Variants in TBCK observed in about 807,000 individuals in gnomAD.
TBCK encodes the protein TBC1 domain containing kinase, also known as TBC domain-containing protein kinase-like protein.
In TBCK, 99 loss-of-function variants were observed where a neutral mutation model predicts 113.4. The ratio of observed to expected loss-of-function variants is 0.87; its 90% CI spans 0.74 to 1.03. The LOEUF (loss-of-function observed/expected upper bound fraction) is 1.03, where lower values mean the gene tolerates loss of function less well. Among genes scored for constraint, TBCK ranks in the 50% least tolerant of loss-of-function variants. The probability of loss-of-function intolerance (pLI) is 0.00; values close to 1 mark genes in which losing one functional copy is unlikely to be tolerated. For synonymous variants in TBCK, 369 were observed against 370.8 expected (o/e 1.00, Z 0.05); for missense variants, 1,045 against 1,061.3 (o/e 0.98, Z 0.21).
At position 106,044,068 on chromosome 4, in the gene TBCK, T is replaced by C. The variant is rs1185466823; in HGVS notation, c.*2502A>G. The C allele has an allele frequency of 1.3e-5, 2 of 152,180 alleles. No homozygotes were observed. The highest frequency in any genetic ancestry group is 1.5e-5 in the Non-Finnish European group (1 of 68,038). The allele number at this position is 152,180 out of a possible 1,614,324, so 9.4% of individuals were successfully genotyped here. A position where few individuals can be genotyped will look rare whatever the true frequency, so the allele number is the denominator to read the frequency against. On this transcript the variant is annotated 3_prime_UTR_variant, in exon 26 of 26. Coordinates refer to ENST00000394708, the MANE Select transcript of TBCK (RefSeq NM_001163435.3). The stretch of plus-strand genomic sequence containing the variant: ...TCTTGGAATAAGCCTAAATGTGTCG[T>C]TTTAAGAAAGATCAAATGCAAAATC...
rs1178798516 is a variant in TBCK, at chr4:106,095,650, G to A, written c.2412-9C>T. The A allele has an allele frequency of 3.1e-6, 5 of 1,611,386 alleles. No individual in the cohort carries two copies. In the South Asian group the frequency reaches 5.5e-5, roughly 18 times the overall value. ...TGTGACCACGAATAAAGCTGAGAAG[G>A]AAAGTTTAAGGAAAACATTTATTTG... On this transcript the variant is annotated splice_polypyrimidine_tract_variant and intron_variant, in intron 24 of 25. Coordinates refer to ENST00000394708, the MANE Select transcript of TBCK (RefSeq NM_001163435.3).
intron 19 of TBCK, among the ~76,000 whole-genome samples, chr4:106,229,323 C>T (rs1033848118): frequency 6.6e-6 from 1 of 151,926 alleles, no homozygotes; most frequent in Non-Finnish European, 1.5e-5. Flanking sequence ...TTTGCCTGGA[C>T]CAACGTCCTG....
At chr4:106,084,784 T>C (rs1342819755) in intron 25 of TBCK, among the ~76,000 whole-genome samples, 1 of 152,172 alleles carries the variant, frequency 6.6e-6, no homozygotes, top group South Asian at 2.1e-4. Context: ...GGGGCTAATA[T>C]TTAACATTCT....
chr4:106,241,826 TACTTTA>T (rs1433150264), intron 12 of TBCK, among the ~76,000 whole-genome samples: 1 of 151,940 alleles, frequency 6.6e-6, no homozygotes. Context: ...ACCTTGCTAT[TACTTTA>T]AATAAGTTAC....
chr4:106,250,431 A>T lies in TBCK; in HGVS notation c.645T>A (p.Phe215Leu). ...TACGACACTTACCCAAAGTAAGCAA[A>T]AATTTTAGTCTTTCAGAAATATCCA... ...QSLDISERLKFLLTLDCVDDT... is the reference protein window; with the variant it reads ...QSLDISERLKLLLTLDCVDDT... Residue 215 changes from phenylalanine (F) to leucine (L), a missense_variant, in exon 7 of 26, where the codon TTT becomes TTA. Coordinates refer to ENST00000394708, the MANE Select transcript of TBCK (RefSeq NM_001163435.3). The T allele has an allele frequency of 6.4e-7, 1 of 1,567,946 alleles. No individual in the cohort carries two copies. Among genetic ancestry groups the T allele is most frequent in the Non-Finnish European group, 8.7e-7 (1 of 1,148,108 alleles).
rs78837176 is a variant in TBCK at position 106,075,113 on chromosome 4, T to C, written c.2571+20369A>G. ...ATACATAATATAATTCCAACAAATA[T>C]GCTTTAAACTGAGACACTTCAAAAT... On this transcript the variant is annotated intron_variant, in intron 25 of 25. Transcript: ENST00000394708. Among the ~76,000 whole-genome samples the C allele has an allele frequency of 4.0e-3, 607 of 152,186 alleles. 6 individuals carry two copies. The highest frequency in any genetic ancestry group is 0.013 in the African/African-American group (554 of 41,504).
At chr4:106,212,650 GC>G in intron 20 of TBCK, 99 bp downstream of exon 20, 1 of 769,298 alleles carries the variant, frequency 1.3e-6, no homozygotes, top group Non-Finnish European at 2.1e-6. Flanking sequence ...GTTCAGATAT[GC>G]ACTATGACAA....
chr4:106,288,405 T>A (rs1259594604), intron 3 of TBCK, among the ~76,000 whole-genome samples: 1 of 151,626 alleles, frequency 6.6e-6, no homozygotes, highest in Non-Finnish European at 1.5e-5. Context: ...AAAAAAAAAA[T>A]TAAATTAAGG....
intron 25 of TBCK, among the ~76,000 whole-genome samples, chr4:106,077,063 T>C (rs917934009): frequency 3.3e-5 from 5 of 152,090 alleles, no homozygotes; most frequent in Non-Finnish European, 7.4e-5. Context: ...ATTGTACTAC[T>C]GCACTCCAGC....
intron 22 of TBCK, among the ~76,000 whole-genome samples, chr4:106,180,482 C>T (rs1043372653): frequency 6.6e-6 from 1 of 152,064 alleles, no homozygotes; most frequent in East Asian, 1.9e-4. Context: ...GTCTGCAGCA[C>T]CCATCAACCC....
intron 20 of TBCK, among the ~76,000 whole-genome samples, chr4:106,198,182 G>C (rs903294691): frequency 6.6e-6 from 1 of 152,132 alleles, no homozygotes; most frequent in African/African-American, 2.4e-5. Flanking sequence ...TTACTGGATA[G>C]CGTGCCTTGG....
chr4:106,168,563 A>C (rs1035307281), intron 23 of TBCK, among the ~76,000 whole-genome samples: 17 of 151,958 alleles, frequency 1.1e-4, no homozygotes, highest in African/African-American at 3.6e-4. Flanking sequence ...TCCATTTTTC[A>C]AATAATGTGA....
intron 19 of TBCK, among the ~76,000 whole-genome samples, chr4:106,214,248 T>TA (rs1355278705): frequency 6.6e-6 from 1 of 151,896 alleles, no homozygotes; most frequent in African/African-American, 2.4e-5. Flanking sequence ...CAAAAGTAGA[T>TA]AAAACCACAA....
At chr4:106,222,012 T>TG (rs1250767056) in intron 19 of TBCK, among the ~76,000 whole-genome samples, 4 of 152,132 alleles carry the variant, frequency 2.6e-5, no homozygotes, top group Non-Finnish European at 4.4e-5. Context: ...AATAAGGATA[T>TG]GAATCTAGAG....
chr4:106,205,114 A>C (rs529603976), intron 20 of TBCK, among the ~76,000 whole-genome samples: 97 of 152,350 alleles, frequency 6.4e-4, no homozygotes, highest in African/African-American at 2.2e-3. Context: ...ACTTTAAGAA[A>C]AAATGAGAGC....
chr4:106,238,724 AATCAAGAAC>A (rs1759748258), intron 12 of TBCK: 1 of 152,190 alleles, frequency 6.6e-6, no homozygotes, highest in Non-Finnish European at 1.5e-5. Context: ...ACAAACTGAA[AATCAAGAAC>A]TCGTCTCACA....
intron 23 of TBCK, among the ~76,000 whole-genome samples, chr4:106,124,618 T>G (rs9760248): frequency 0.2 from 29,973 of 151,748 alleles, 3,305 homozygotes; most frequent in South Asian, 0.27. Context: ...CCAACAATGA[T>G]AGACTGGATT....
chr4:106,301,009 C>T lies in TBCK; in HGVS notation c.194-5843G>A, dbSNP rs1331718027. On this transcript the variant is annotated intron_variant, in intron 2 of 25. Transcript: ENST00000394708. ...TTCCATGAAGAACAATAAATTCCAA[C>T]TGTGGATGACAGCTTGAGCTTCTGC... 3.9e-5 allele frequency among the ~76,000 whole-genome samples: 6 copies of T among 152,176 alleles called. No homozygotes were observed. In the East Asian group the frequency reaches 1.2e-3, roughly 29 times the overall value.
At chr4:106,164,317 C>A (rs1455603490) in intron 23 of TBCK, 1 of 151,796 alleles carries the variant, frequency 6.6e-6, no homozygotes, top group Non-Finnish European at 1.5e-5. Flanking sequence ...GTTTAGTTCT[C>A]CTTTAGGTTA....
Sources: allele counts gnomAD v4.1 joint callset (sites outside exome capture counted in the v4.1 genomes callset), GRCh38; gene constraint gnomAD v4.1.1; transcripts MANE v1.5; gene names NCBI Gene and HGNC (gene_info 2026-07-23, HGNC 2026-07-21).